DCUN1D4: variants seen among roughly 807,000 people sequenced by gnomAD.
DCUN1D4 encodes defective in cullin neddylation 1 domain containing 4, also known as DCN1-like protein 4.
In DCUN1D4, 22 loss-of-function variants were observed where a neutral mutation model predicts 47.9. The ratio of observed to expected loss-of-function variants is 0.46; its 90% CI spans 0.33 to 0.66. DCUN1D4 has a LOEUF of 0.66. Ranked by LOEUF, DCUN1D4 falls within the 30% of genes least tolerant of loss-of-function variation. The pLI, the probability that DCUN1D4 is intolerant of heterozygous loss-of-function variation, is 0.02. For synonymous variants in DCUN1D4, 121 were observed against 112.2 expected (o/e 1.08, Z -0.50); for missense variants, 301 against 340.8 (o/e 0.88, Z 0.92).
intron 3 of DCUN1D4, chr4:51,865,075 C>T (rs1725692608): frequency 4.4e-6 from 1 of 227,070 alleles, no homozygotes; most frequent in Admixed American, 4.1e-5. Context: ...GGAACCCAAA[C>T]CTCCTGAACC....
At chr4:51,908,808 C>A in intron 8 of DCUN1D4, 1 of 438,938 alleles carries the variant, frequency 2.3e-6, no homozygotes, top group Non-Finnish European at 4.6e-6. Context: ...TGTTTCCAGT[C>A]ATGGTCATTT....
chr4:51,886,514 T>A (rs1729497987), intron 5 of DCUN1D4, 54 bp from the exon 6 acceptor site: 3 of 1,493,374 alleles, frequency 2.0e-6, no homozygotes, highest in African/African-American at 1.4e-5. Flanking sequence ...ACTACAGTGG[T>A]AATAGTATGG....
At chr4:51,889,248 A>G (rs1730047569) in intron 6 of DCUN1D4, among the ~76,000 whole-genome samples, 4 of 152,338 alleles carry the variant, frequency 2.6e-5, no homozygotes, top group South Asian at 4.1e-4. Context: ...TGCTATATCA[A>G]TTGTGGGTGC....
chr4:51,884,567 CCATT>C (rs1259450655), intron 5 of DCUN1D4: 2 of 152,170 alleles, frequency 1.3e-5, no homozygotes, highest in Non-Finnish European at 2.9e-5. Context: ...TGGTATTCAG[CCATT>C]CATTTAGTCC....
the DCUN1D4 span, among the ~76,000 whole-genome samples, chr4:51,836,039 A>G: frequency 6.6e-6 from 1 of 152,192 alleles, no homozygotes; most frequent in Non-Finnish European, 1.5e-5. Flanking sequence ...CCATCATTTG[A>G]GTGCAGGCTC....
At chr4:51,872,674 C>T (rs1577928158) in intron 3 of DCUN1D4, among the ~76,000 whole-genome samples, 1 of 152,226 alleles carries the variant, frequency 6.6e-6, no homozygotes. Flanking sequence ...TTTATGGCCT[C>T]ATAGAAGTGG....
At chr4:51,886,512 G>A in intron 5 of DCUN1D4, 56 bp from the exon 6 acceptor site, 1 of 1,423,352 alleles carries the variant, frequency 7.0e-7, no homozygotes, top group Non-Finnish European at 9.9e-7. Context: ...CTACTACAGT[G>A]GTAATAGTAT....
intron 1 of DCUN1D4, chr4:51,844,376 T>TC (rs969596493): frequency 1.0e-4 from 103 of 982,164 alleles, no homozygotes; most frequent in African/African-American, 4.1e-4. Context: ...TGGCCGTGGT[T>TC]CCCCCCGGAC....
chr4:51,891,941 G>A (rs1201637759), intron 7 of DCUN1D4, 90 bp downstream of exon 7: 6 of 975,372 alleles, frequency 6.2e-6, no homozygotes, highest in East Asian at 2.5e-5. Flanking sequence ...GATTGAGTGA[G>A]TGGAAGGAAG....
intron 5 of DCUN1D4, among the ~76,000 whole-genome samples, chr4:51,883,794 A>G (rs1370914212): frequency 6.6e-6 from 1 of 151,972 alleles, no homozygotes; most frequent in African/African-American, 2.4e-5. Context: ...GTGTTGTTAA[A>G]GAAGCTCTTT....
chr4:51,884,218 G>A (rs1476405168), intron 5 of DCUN1D4: 1 of 152,146 alleles, frequency 6.6e-6, no homozygotes, highest in Non-Finnish European at 1.5e-5. Context: ...TTTAGGGGGA[G>A]CCAAGGATTT....
chr4:51,845,677 G>T (rs1577813463), intron 1 of DCUN1D4, among the ~76,000 whole-genome samples: 2 of 152,084 alleles, frequency 1.3e-5, no homozygotes, highest in Admixed American at 1.3e-4. Flanking sequence ...AATATATAAG[G>T]TATTATGAAA....
chr4:51,844,801 C>T lies in DCUN1D4; in HGVS notation c.25+1534C>T, dbSNP rs926839164. 12 of 982,948 alleles carry T rather than the reference C, an allele frequency of 1.2e-5. No homozygotes were observed. The Admixed American group carries it at 3.1e-4, about 25-fold the overall frequency. The allele number at this position is 982,948 out of a possible 1,614,324, so 60.9% of individuals were successfully genotyped here. ...CTGGGACTTGTAGTCGCGGCCGCGC[C>T]CGGCCGCGGTTGGGTTGGGTGCACG... On this transcript the variant is annotated intron_variant, in intron 1 of 10. Coordinates refer to ENST00000334635, the MANE Select transcript of DCUN1D4 (RefSeq NM_001040402.3).
chr4:51,864,068 T>G (rs902654589), intron 3 of DCUN1D4, among the ~76,000 whole-genome samples: 1 of 152,322 alleles, frequency 6.6e-6, no homozygotes, highest in East Asian at 1.9e-4. Flanking sequence ...TGATTTAATA[T>G]GGTGTGTGTG....
At chr4:51,841,523 T>A (rs1477018015), upstream of DCUN1D4, among the ~76,000 whole-genome samples, 2 of 152,186 alleles carry the variant, frequency 1.3e-5, no homozygotes, top group Non-Finnish European at 2.9e-5. Flanking sequence ...CTATGAGAGA[T>A]TCTTGTCTTG....
intron 8 of DCUN1D4, among the ~76,000 whole-genome samples, chr4:51,901,443 C>T (rs941459752): frequency 3.3e-5 from 5 of 152,236 alleles, no homozygotes; most frequent in South Asian, 2.1e-4. Context: ...CAAGCTTCCC[C>T]ACTCAACGCC....
intron 7 of DCUN1D4, 149 bp downstream of exon 7, chr4:51,892,000 AGACCC>A (rs1730502797): frequency 3.2e-6 from 2 of 620,346 alleles, no homozygotes; most frequent in African/African-American, 3.8e-5. Flanking sequence ...GTAAAGACTA[AGACCC>A]ATTTTGAGGA....
At position 51,891,796 on chromosome 4, in the gene DCUN1D4, C is replaced by G; in HGVS notation, c.451C>G (p.Gln151Glu). 1.2e-6 allele frequency: 2 copies of G among 1,612,794 alleles called. No homozygotes were observed. Among genetic ancestry groups the G allele is most frequent in the Non-Finnish European group, 1.7e-6 (2 of 1,179,446 alleles). ...TGTCCTAGCTTGGAAATTGGATGCA[C>G]AAAACATGGGTTATTTTACTCTACA... The part of the protein sequence containing the change: ...MLVLAWKLDA[Q>E]NMGYFTLQEW... Residue 151 changes from glutamine (Q) to glutamate (E), a missense_variant, in exon 7 of 11, where the codon CAA (glutamine) becomes GAA (glutamate). Coordinates refer to ENST00000334635, the MANE Select transcript of DCUN1D4 (RefSeq NM_001040402.3).
intron 5 of DCUN1D4, among the ~76,000 whole-genome samples, chr4:51,881,196 C>T (rs1728549714): frequency 6.6e-6 from 1 of 152,118 alleles, no homozygotes; most frequent in South Asian, 2.1e-4. Context: ...TGAAATATAT[C>T]TAAGAATAAG....
Sources: allele counts gnomAD v4.1 joint callset (sites outside exome capture counted in the v4.1 genomes callset), GRCh38; gene constraint gnomAD v4.1.1; transcripts MANE v1.5; gene names NCBI Gene and HGNC (gene_info 2026-07-23, HGNC 2026-07-21).